CC2D2B: variants seen among roughly 807,000 people sequenced by gnomAD.
CC2D2B encodes the protein protein CC2D2B.
In CC2D2B, 128 loss-of-function variants were observed where a neutral mutation model predicts 161.2. The ratio of observed to expected loss-of-function variants is 0.79; its 90% CI spans 0.69 to 0.92. The LOEUF is 0.92. Among genes scored for constraint, CC2D2B ranks in the 40% least tolerant of loss-of-function variants. CC2D2B has a pLI of 0.00. For synonymous variants in CC2D2B, 391 were observed against 449.8 expected (o/e 0.87, Z 1.65); for missense variants, 1,173 against 1,375.1 (o/e 0.85, Z 2.32).
intron 32 of CC2D2B, among the ~76,000 whole-genome samples, chr10:96,022,952 A>G (rs1050278881): frequency 2.0e-5 from 3 of 152,220 alleles, no homozygotes; most frequent in Non-Finnish European, 4.4e-5. Flanking sequence ...GATAAAAGTC[A>G]GGAATGAGAA....
At chr10:95,972,362 C>T (rs2077165536) in intron 16 of CC2D2B, 146 bp downstream of exon 16, 7 of 576,386 alleles carry the variant, frequency 1.2e-5, no homozygotes, top group Non-Finnish European at 1.8e-5. Context: ...CAGAATCTCA[C>T]CCAGGATGAA....
chr10:96,030,340 AC>A (rs768568229), intron 34 of CC2D2B, among the ~76,000 whole-genome samples: 11 of 151,502 alleles, frequency 7.3e-5, no homozygotes, highest in Non-Finnish European at 1.0e-4. Context: ...CTCCTACTCT[AC>A]CCCAAGCTCT....
rs1307187991 is a variant in CC2D2B at position 95,947,108 on chromosome 10, TATATA to T, written c.802-2787_802-2783del. Among the ~76,000 whole-genome samples, 64 of 37,692 alleles carry T rather than the reference TATATA, an allele frequency of 1.7e-3. No individual in the cohort carries two copies. The East Asian group carries it at 0.023, about 14-fold the overall frequency. 24.7% of individuals were successfully genotyped at this position (37,692 alleles called of 152,430 possible). A position where few individuals can be genotyped will look rare whatever the true frequency, so the allele number is the denominator to read the frequency against. On this transcript the variant is annotated intron_variant, in intron 9 of 34. Transcript: ENST00000646931. ...ATATATATATATATATATATATATA[TATATA>T]TTTTTTTTTTTTTTTTTGAGACAAA...
intron 6 of CC2D2B, among the ~76,000 whole-genome samples, chr10:95,936,398 C>G (rs1419004829): frequency 6.6e-6 from 1 of 152,170 alleles, no homozygotes; most frequent in Non-Finnish European, 1.5e-5. Context: ...GATATCTCAT[C>G]TGGGCAACCC....
chr10:96,019,835 T>G lies in CC2D2B; in HGVS notation c.3888+11T>G, dbSNP rs80102558. ...ATACAAAGCATACAGGTAAATCATA[T>G]TTTCCCAGGGGTGTCTGTATGAGAG... On this transcript the variant is annotated intron_variant, in intron 32 of 34. Transcript: ENST00000646931. 814 of 1,597,962 alleles carry G rather than the reference T, an allele frequency of 5.1e-4. 8 individuals carry two copies. The East Asian group carries it at 0.017, about 33-fold the overall frequency.
chr10:95,910,269 G>A (rs559096752), intron 1 of CC2D2B, among the ~76,000 whole-genome samples: 20 of 152,298 alleles, frequency 1.3e-4, no homozygotes, highest in African/African-American at 4.6e-4. Context: ...CTTGTATTAG[G>A]CCATTCTTGC....
chr10:96,028,019 A>G (rs982622476), intron 34 of CC2D2B, among the ~76,000 whole-genome samples: 1 of 152,206 alleles, frequency 6.6e-6, no homozygotes, highest in African/African-American at 2.4e-5. Context: ...TAAGGCCTCA[A>G]ACTATGAAAT....
intron 29 of CC2D2B, among the ~76,000 whole-genome samples, 189 bp from the exon 30 acceptor site, chr10:96,016,012 A>G (rs1384115720): frequency 6.6e-6 from 1 of 152,184 alleles, no homozygotes; most frequent in Non-Finnish European, 1.5e-5. Flanking sequence ...CTCCAAGTCA[A>G]TGTTCTCTTC....
In CC2D2B at chr10:96,020,355, T is replaced by A. The variant is rs1259585091; in HGVS notation, c.3888+531T>A. On this transcript the variant is annotated intron_variant, in intron 32 of 34. Transcript: ENST00000646931. Reference sequence around the variant, plus strand: ...TTAAAGACAGGGACTGTGGTGGGGCTACTTTACTTCCCTGTTTTTGAAAGG... The same window carrying A: ...TTAAAGACAGGGACTGTGGTGGGGCAACTTTACTTCCCTGTTTTTGAAAGG... 3.3e-5 allele frequency: 5 copies of A among 153,012 alleles called. No homozygotes were observed. In the East Asian group the frequency reaches 9.6e-4, roughly 29 times the overall value. The allele number at this position is 153,012 out of a possible 1,614,324, so 9.5% of individuals were successfully genotyped here. A position where few individuals can be genotyped will look rare whatever the true frequency, so the allele number is the denominator to read the frequency against.
chr10:95,974,254 A>T, intron 17 of CC2D2B, 98 bp downstream of exon 17: 1 of 575,378 alleles, frequency 1.7e-6, no homozygotes, highest in Non-Finnish European at 2.6e-6. Context: ...CAGCAATAGG[A>T]AGAGTTTAGT....
intron 26 of CC2D2B, among the ~76,000 whole-genome samples, chr10:96,011,777 A>G (rs1463622897): frequency 3.5e-5 from 5 of 144,810 alleles, no homozygotes; most frequent in Admixed American, 1.4e-4. Flanking sequence ...ACACACACAC[A>G]ATTTCTCCTA....
At chr10:95,932,816 T>A (rs528392404) in intron 6 of CC2D2B, among the ~76,000 whole-genome samples, 26 of 152,206 alleles carry the variant, frequency 1.7e-4, no homozygotes, top group Non-Finnish European at 3.4e-4. Context: ...CTTAACATTT[T>A]TTCCTTCATT....
chr10:95,999,861 AG>A, intron 24 of CC2D2B: 1 of 484,542 alleles, frequency 2.1e-6, no homozygotes, highest in Non-Finnish European at 4.1e-6. Flanking sequence ...TGGGTGAAGC[AG>A]GCTGGCACTT....
intron 30 of CC2D2B, among the ~76,000 whole-genome samples, chr10:96,017,478 A>G (rs1483498301): frequency 6.6e-6 from 1 of 152,204 alleles, no homozygotes; most frequent in Non-Finnish European, 1.5e-5. Flanking sequence ...GTAGCCCTGC[A>G]CAGTTTCACC....
In CC2D2B at chr10:95,996,190, CA is replaced by C; in HGVS notation, c.2791del (p.Thr931ProfsTer17). ...VEVSFQHTVYKTNTASGSHPC... is the reference protein window; with the variant it reads ...VEVSFQHTVYXTNTASGSHPC... ...AAGTTTCTTTCCAGCACACTGTATA[CA>C]AAACCAATACAGCAAGTGGATCTCA... On this transcript the variant is annotated frameshift_variant, in exon 24 of 35. Coordinates refer to ENST00000646931, the MANE Select transcript of CC2D2B (RefSeq NM_001349008.3). LOFTEE classifies it high-confidence loss of function. 6.6e-7 allele frequency: 1 copy of C among 1,519,108 alleles called. No individual in the cohort carries two copies. The highest frequency in any genetic ancestry group is 1.2e-5 in the South Asian group (1 of 81,490). 94.1% of individuals were successfully genotyped at this position (1,519,108 alleles called of 1,614,324 possible).
chr10:96,012,144 T>C (rs2079020932), intron 26 of CC2D2B, 41 bp from the exon 27 acceptor site: 1 of 576,684 alleles, frequency 1.7e-6, no homozygotes, highest in Non-Finnish European at 3.1e-6. Flanking sequence ...TGATGTTTAT[T>C]TTCATCATGC....
chr10:95,925,731 C>T (rs550043259), intron 5 of CC2D2B, among the ~76,000 whole-genome samples: 2 of 152,146 alleles, frequency 1.3e-5, no homozygotes, highest in Non-Finnish European at 2.9e-5. Context: ...AGAGTTTTGC[C>T]ATCTCCAATA....
Position 95,974,168 on chromosome 10 carries a change from T to A in CC2D2B, c.1943+12T>A. 1 of 1,223,672 alleles carries A rather than the reference T, an allele frequency of 8.2e-7. No individual in the cohort carries two copies. Among genetic ancestry groups the A allele is most frequent in the East Asian group, 3.2e-5 (1 of 31,622 alleles). 75.8% of individuals were successfully genotyped at this position (1,223,672 alleles called of 1,614,324 possible). ...TCTTCTTACTGCAGGTAATAAACTT[T>A]TATCTTTGAAAAATAATGCCAGGTC... On this transcript the variant is annotated intron_variant, in intron 17 of 34. Coordinates refer to ENST00000646931, the MANE Select transcript of CC2D2B (RefSeq NM_001349008.3).
intron 33 of CC2D2B, among the ~76,000 whole-genome samples, chr10:96,026,752 G>A (rs1310613354): frequency 1.3e-5 from 2 of 152,130 alleles, no homozygotes; most frequent in African/African-American, 4.8e-5. Flanking sequence ...CTTCATTAAT[G>A]TGAATGGTGG....
Sources: gnomAD v4.1 joint callset for allele counts (sites outside exome capture counted in the v4.1 genomes callset) on GRCh38, gnomAD v4.1.1 for gene constraint, MANE v1.5 for transcripts, NCBI Gene and HGNC (gene_info 2026-07-23, HGNC 2026-07-21) for gene names.